RBM20: variants seen among roughly 807,000 people sequenced by gnomAD.
RBM20 encodes RNA-binding protein 20.
In RBM20, 51 loss-of-function variants were observed where a neutral mutation model predicts 110.1. The ratio of observed to expected loss-of-function variants is 0.46; its 90% CI spans 0.37 to 0.59. RBM20 has a LOEUF of 0.59. Ranked by LOEUF, RBM20 falls within the 20% of genes least tolerant of loss-of-function variation. The pLI is 0.00. For synonymous variants in RBM20, 589 were observed against 618.2 expected (o/e 0.95, Z 0.70); for missense variants, 1,512 against 1,574.9 (o/e 0.96, Z 0.68).
chr10:110,734,189 C>T (rs1843646064), intron 1 of RBM20, among the ~76,000 whole-genome samples: 1 of 152,116 alleles, frequency 6.6e-6, no homozygotes, highest in Non-Finnish European at 1.5e-5. Flanking sequence ...TTTAGAATGT[C>T]ATAGAGTGTG....
At chr10:110,738,725 A>T (rs1843697653) in intron 1 of RBM20, among the ~76,000 whole-genome samples, 1 of 152,146 alleles carries the variant, frequency 6.6e-6, no homozygotes, top group Non-Finnish European at 1.5e-5. Flanking sequence ...GAAGCTTCCC[A>T]GGAAGCTGGA....
intron 5 of RBM20, among the ~76,000 whole-genome samples, chr10:110,791,319 C>T (rs1460769776): frequency 2.0e-5 from 3 of 152,226 alleles, no homozygotes; most frequent in African/African-American, 7.2e-5. Flanking sequence ...CATTAGATCA[C>T]ATCTGAGACA....
chr10:110,779,471 C>CT (rs901062255), intron 1 of RBM20, among the ~76,000 whole-genome samples: 3 of 152,214 alleles, frequency 2.0e-5, no homozygotes, highest in African/African-American at 7.2e-5. Flanking sequence ...GTCATATATC[C>CT]TTTCTAATAA....
In RBM20 at chr10:110,822,592, G is replaced by C. The variant is rs1023291334; in HGVS notation, c.3316+657G>C. On this transcript the variant is annotated intron_variant, in intron 11 of 13. Coordinates refer to ENST00000369519, the MANE Select transcript of RBM20 (RefSeq NM_001134363.3). The stretch of plus-strand genomic sequence containing the variant: ...GAACTTAAGATCCATCAGGGGGTTT[G>C]GGGGGAGGGAGAGAGAGTAGCCTTT... The C allele has an allele frequency of 2.9e-4, 118 of 412,464 alleles. 1 individual carries two copies. Among genetic ancestry groups the C allele is most frequent in the South Asian group, 1.0e-3 (57 of 55,820 alleles). 25.6% of individuals were successfully genotyped at this position (412,464 alleles called of 1,614,324 possible). A position where few individuals can be genotyped will look rare whatever the true frequency, so the allele number is the denominator to read the frequency against.
At chr10:110,833,003 C>T (rs1253957316) in intron 13 of RBM20, among the ~76,000 whole-genome samples, 2 of 152,164 alleles carry the variant, frequency 1.3e-5, no homozygotes, top group African/African-American at 4.8e-5. Flanking sequence ...AAGATGAAAC[C>T]TACAGAATGG....
chr10:110,693,043 G>C (rs1319692804), intron 1 of RBM20, among the ~76,000 whole-genome samples: 4 of 151,334 alleles, frequency 2.6e-5, no homozygotes, highest in Non-Finnish European at 5.9e-5. Flanking sequence ...TTTTTATTTT[G>C]TTAATGTGGT....
intron 1 of RBM20, among the ~76,000 whole-genome samples, chr10:110,774,582 C>T (rs7909374): frequency 6.6e-6 from 1 of 152,022 alleles, no homozygotes; most frequent in African/African-American, 2.4e-5. Flanking sequence ...ATTCCAGTCC[C>T]AGCTCTTCTC....
At chr10:110,733,366 G>A (rs1843638353) in intron 1 of RBM20, among the ~76,000 whole-genome samples, 1 of 152,218 alleles carries the variant, frequency 6.6e-6, no homozygotes, top group African/African-American at 2.4e-5. Context: ...GGAGGATGAG[G>A]TGAAACCACA....
At chr10:110,749,058 T>C (rs1217838954) in intron 1 of RBM20, among the ~76,000 whole-genome samples, 1 of 152,248 alleles carries the variant, frequency 6.6e-6, no homozygotes, top group Non-Finnish European at 1.5e-5. Context: ...ACCAACATCA[T>C]GCTTGCTGGG....
intron 1 of RBM20, among the ~76,000 whole-genome samples, chr10:110,646,172 A>G (rs1285655252): frequency 6.6e-6 from 1 of 152,194 alleles, no homozygotes; most frequent in Non-Finnish European, 1.5e-5. Context: ...TTGCTTCGGT[A>G]TTGTAATTAC....
intron 1 of RBM20, among the ~76,000 whole-genome samples, chr10:110,730,014 C>T (rs1206921035): frequency 1.3e-5 from 2 of 152,104 alleles, no homozygotes; most frequent in African/African-American, 2.4e-5. Context: ...GATGGGGTTT[C>T]TCCATGTTGG....
rs117351857 is a variant in RBM20, at chr10:110,773,823, A to G, written c.192-6978A>G. Among the ~76,000 whole-genome samples the G allele has an allele frequency of 1.8e-3, 276 of 152,272 alleles. 1 individual carries two copies. The highest frequency in any genetic ancestry group is 3.9e-3 in the South Asian group (19 of 4,828). ...TAAACCCACCAGCTGCCCCATTGTG[A>G]CTGCATAGTCCCCTGGTTCTGAGAC... On this transcript the variant is annotated intron_variant, in intron 1 of 13. Transcript: ENST00000369519.
At chr10:110,810,236 C>T (rs1861590092) in intron 7 of RBM20, 147 bp from the exon 8 acceptor site, 15 of 631,286 alleles carry the variant, frequency 2.4e-5, no homozygotes, top group Middle Eastern at 2.6e-4. Flanking sequence ...CACACTCATC[C>T]GTTGGATTAC....
chr10:110,748,402 A>G (rs1843810368), intron 1 of RBM20, among the ~76,000 whole-genome samples: 1 of 152,148 alleles, frequency 6.6e-6, no homozygotes, highest in East Asian at 1.9e-4. Flanking sequence ...TACCTGGGGA[A>G]CTAAACCAGT....
intron 1 of RBM20, among the ~76,000 whole-genome samples, chr10:110,762,538 G>C (rs761080481): frequency 1.8e-4 from 28 of 152,214 alleles, no homozygotes; most frequent in Non-Finnish European, 1.6e-4. Context: ...GGCCGTGTAT[G>C]AGGGTTCCTT....
Position 110,787,951 on chromosome 10 carries a change from A to G in RBM20, c.1527+3062A>G, listed in dbSNP as rs185598464. Among the ~76,000 whole-genome samples, 107 of 152,304 alleles carry G rather than the reference A, an allele frequency of 7.0e-4. 1 individual carries two copies. The highest frequency in any genetic ancestry group is 1.5e-3 in the East Asian group (8 of 5,194). On this transcript the variant is annotated intron_variant, in intron 5 of 13. Transcript: ENST00000369519. ...TATGTTCTTAGCATTTTTGTTTTGT[A>G]TTAGCTCATTTAGTCCTCTAGACAA...
Position 110,812,550 on chromosome 10 carries a change from T to C in RBM20, c.2153T>C (p.Leu718Pro), listed in dbSNP as rs567017513. ...GATCGCAAACACCACCCCCGGCAAC[T>C]GGACAAGGCTGAGTTGGACGAGCGA... ...AHDRKHHPRQLDKAELDERPE... is the reference protein window; with the variant it reads ...AHDRKHHPRQPDKAELDERPE... Residue 718 changes from leucine (L) to proline (P), a missense_variant, in exon 9 of 14, where the codon CTG becomes CCG. Around this residue, in one of 3 missense-constraint regions of RBM20, gnomAD observed 1,149 missense variants for 1,169.4 expected, o/e 0.98. Coordinates refer to ENST00000369519, the MANE Select transcript of RBM20 (RefSeq NM_001134363.3). The C allele has an allele frequency of 7.1e-6, 11 of 1,551,604 alleles. No individual in the cohort carries two copies. The East Asian group carries it at 2.7e-4, about 38-fold the overall frequency.
chr10:110,804,064 C>G (rs1844665941), intron 7 of RBM20, among the ~76,000 whole-genome samples: 1 of 152,132 alleles, frequency 6.6e-6, no homozygotes. Flanking sequence ...TCTTTCTCCC[C>G]CTTCCCTTTC....
At chr10:110,775,670 A>G (rs950347569) in intron 1 of RBM20, among the ~76,000 whole-genome samples, 2 of 152,112 alleles carry the variant, frequency 1.3e-5, no homozygotes, top group African/African-American at 4.8e-5. Flanking sequence ...TGTAGCTCCA[A>G]CTACTGGGTC....
Sources: allele counts gnomAD v4.1 joint callset (sites outside exome capture counted in the v4.1 genomes callset), GRCh38; gene constraint gnomAD v4.1.1; regional missense constraint gnomAD v4.1.1; transcripts MANE v1.5; gene names NCBI Gene and HGNC (gene_info 2026-07-23, HGNC 2026-07-21).